FAM107B: variants seen among roughly 807,000 people sequenced by gnomAD.
FAM107B encodes the protein family with sequence similarity 107 member B.
In FAM107B, 21 loss-of-function variants were observed where a neutral mutation model predicts 31.5. That is an observed-to-expected ratio of 0.67 (90% CI 0.47 to 0.96). The LOEUF is 0.96. FAM107B is among the 40% of genes least tolerant of loss of function. FAM107B has a pLI of 0.00. For missense variants in FAM107B, 452 were observed against 377.1 expected (o/e 1.20, Z -1.64); for synonymous variants, 157 against 141.5 (o/e 1.11, Z -0.78).
chr10:14,655,480 C>A (rs981325839), intron 2 of FAM107B, among the ~76,000 whole-genome samples: 1 of 152,162 alleles, frequency 6.6e-6, no homozygotes, highest in Non-Finnish European at 1.5e-5. Context: ...AGCGCAGTGG[C>A]GCAATCTTGG....
At chr10:14,685,572 A>C (rs1854963972) in intron 1 of FAM107B, among the ~76,000 whole-genome samples, 1 of 152,182 alleles carries the variant, frequency 6.6e-6, no homozygotes, top group Admixed American at 6.5e-5. Flanking sequence ...TGAGCCATTA[A>C]GGGAGTGCAG....
At chr10:14,615,598 G>T (rs1852830440) in intron 2 of FAM107B, among the ~76,000 whole-genome samples, 1 of 152,194 alleles carries the variant, frequency 6.6e-6, no homozygotes, top group Non-Finnish European at 1.5e-5. Context: ...TTAAGTTTCT[G>T]TTCAAATCTT....
Position 14,548,358 on chromosome 10 carries a change from G to A in FAM107B, c.470-17843C>T, listed in dbSNP as rs571185377. 2.0e-5 allele frequency: 19 copies of A among 941,506 alleles called. No homozygotes were observed. The African/African-American group carries it at 3.4e-4, about 17-fold the overall frequency. The allele number at this position is 941,506 out of a possible 1,614,324, so 58.3% of individuals were successfully genotyped here. On this transcript the variant is annotated intron_variant, in intron 2 of 4. Transcript: ENST00000181796. ...TCAGGGACCAGATGCTCTTCCGACT[G>A]CACCTCCTGCCAGCTCCAGGGGAGG...
chr10:14,650,301 T>C (rs752726560), intron 2 of FAM107B, among the ~76,000 whole-genome samples: 10 of 152,108 alleles, frequency 6.6e-5, no homozygotes, highest in Non-Finnish European at 1.2e-4. Flanking sequence ...TTTTTTTTTC[T>C]TTTGCCATTG....
chr10:14,607,291 A>G (rs959138260), intron 2 of FAM107B, among the ~76,000 whole-genome samples: 2 of 152,252 alleles, frequency 1.3e-5, no homozygotes, highest in Non-Finnish European at 2.9e-5. Flanking sequence ...CAAATAAAAG[A>G]CAGGAGGCCA....
chr10:14,729,623 T>A (rs1156718654), intron 1 of FAM107B, among the ~76,000 whole-genome samples: 1 of 152,162 alleles, frequency 6.6e-6, no homozygotes, highest in Non-Finnish European at 1.5e-5. Context: ...TGCACCAGAA[T>A]CACCTGAGGA....
chr10:14,552,471 GA>G (rs11404049), intron 2 of FAM107B, among the ~76,000 whole-genome samples: 2 of 149,472 alleles, frequency 1.3e-5, no homozygotes, highest in Admixed American at 6.6e-5. Flanking sequence ...ACCCAACAAT[GA>G]AAAAAAAAAA....
intron 2 of FAM107B, among the ~76,000 whole-genome samples, chr10:14,556,737 C>T (rs1849736119): frequency 6.6e-6 from 1 of 152,216 alleles, no homozygotes; most frequent in Admixed American, 6.5e-5. Flanking sequence ...AATATAGCAC[C>T]CAGGTTTTCG....
intron 2 of FAM107B, among the ~76,000 whole-genome samples, chr10:14,537,444 C>T (rs752549300): frequency 2.0e-5 from 3 of 152,234 alleles, no homozygotes. Flanking sequence ...AGCTTCCTCA[C>T]TTGCTCTAAG....
intron 1 of FAM107B, among the ~76,000 whole-genome samples, chr10:14,760,236 T>C (rs1005393652): frequency 6.6e-6 from 1 of 152,198 alleles, no homozygotes; most frequent in Non-Finnish European, 1.5e-5. Context: ...AATGGTTTCC[T>C]TTTGGCTGTC....
chr10:14,567,419 A>T (rs1232964672), intron 2 of FAM107B, among the ~76,000 whole-genome samples: 1 of 152,114 alleles, frequency 6.6e-6, no homozygotes, highest in Non-Finnish European at 1.5e-5. Context: ...GTATGAACCT[A>T]GAGATTTAAG....
At chr10:14,531,273 A>C (rs1846961105) in intron 2 of FAM107B, among the ~76,000 whole-genome samples, 1 of 152,178 alleles carries the variant, frequency 6.6e-6, no homozygotes, top group South Asian at 2.1e-4. Context: ...TAATCCCAGC[A>C]CTTTGGGAGG....
chr10:14,772,086 T>G (rs935139876), intron 1 of FAM107B, among the ~76,000 whole-genome samples: 2 of 152,204 alleles, frequency 1.3e-5, no homozygotes, highest in African/African-American at 4.8e-5. Flanking sequence ...CCGGGCATGG[T>G]GGCTCACTCC....
intron 1 of FAM107B, among the ~76,000 whole-genome samples, chr10:14,671,119 C>G (rs1004714101): frequency 6.6e-6 from 1 of 152,084 alleles, no homozygotes; most frequent in East Asian, 1.9e-4. Flanking sequence ...TTCTGTGCTC[C>G]GTGAAACCGA....
chr10:14,725,437 T>C (rs934531666), intron 1 of FAM107B, among the ~76,000 whole-genome samples: 5 of 152,216 alleles, frequency 3.3e-5, no homozygotes, highest in Admixed American at 6.5e-5. Flanking sequence ...CTATATCAAA[T>C]ACGCCAGAGG....
At chr10:14,691,986 C>T (rs893792479) in intron 1 of FAM107B, among the ~76,000 whole-genome samples, 2 of 151,936 alleles carry the variant, frequency 1.3e-5, no homozygotes, top group African/African-American at 4.8e-5. Flanking sequence ...ACCTACATCA[C>T]TGCATCATCT....
chr10:14,660,500 A>T (rs1253736173), intron 2 of FAM107B, among the ~76,000 whole-genome samples: 6 of 152,248 alleles, frequency 3.9e-5, no homozygotes, highest in Non-Finnish European at 7.3e-5. Flanking sequence ...CACCTCTGAA[A>T]GACTGTTAAT....
chr10:14,564,291 G>A (rs1022733522), intron 2 of FAM107B, among the ~76,000 whole-genome samples: 12 of 152,056 alleles, frequency 7.9e-5, no homozygotes, highest in Non-Finnish European at 1.3e-4. Flanking sequence ...GCTCCGAGAC[G>A]TTGAGCAGAT....
intron 2 of FAM107B, among the ~76,000 whole-genome samples, chr10:14,609,236 T>C (rs2131388539): frequency 6.6e-6 from 1 of 152,346 alleles, no homozygotes; most frequent in South Asian, 2.1e-4. Flanking sequence ...TAGTGGCTTA[T>C]AACACCCACA....
Sources: gnomAD v4.1 joint callset for allele counts (sites outside exome capture counted in the v4.1 genomes callset) on GRCh38, gnomAD v4.1.1 for gene constraint, MANE v1.5 for transcripts, NCBI Gene and HGNC (gene_info 2026-07-23, HGNC 2026-07-21) for gene names.